The following RNASEH2B variants were observed in gnomAD, a reference collection of about 807,000 sequenced individuals.
The protein encoded by RNASEH2B is Aicardi-Goutieres syndrome 2 protein.
In RNASEH2B, 36 loss-of-function variants were observed where a neutral mutation model predicts 45.0. The ratio of observed to expected loss-of-function variants is 0.80; its 90% confidence interval spans 0.61 to 1.06. The LOEUF (loss-of-function observed/expected upper bound fraction) is 1.06. Ranked by LOEUF, RNASEH2B falls within the 50% of genes least tolerant of loss-of-function variation. RNASEH2B has a pLI of 0.00. For synonymous variants in RNASEH2B, 119 were observed against 125.7 expected (o/e 0.95, Z 0.35); for missense variants, 361 against 360.3 (o/e 1.00, Z -0.02).
chr13:50,938,960 G>A (rs1951796169), intron 5 of RNASEH2B: 1 of 152,252 alleles, frequency 6.6e-6, no homozygotes, highest in African/African-American at 2.4e-5. Context: ...TGTAATCCTA[G>A]CGGTTTGGGA....
chr13:50,960,840 A>G (rs188037228), downstream of RNASEH2B, among the ~76,000 whole-genome samples: 2 of 152,146 alleles, frequency 1.3e-5, no homozygotes, highest in African/African-American at 2.4e-5. Context: ...ATTTTGCATT[A>G]TTATATTCTA....
intron 7 of RNASEH2B, among the ~76,000 whole-genome samples, chr13:50,947,386 AGTGTGTGTGT>A (rs34501133): frequency 0.024 from 3,429 of 145,894 alleles, 64 homozygotes; most frequent in African/African-American, 0.044. Context: ...TTAGTTTGGG[AGTGTGTGTGT>A]GTGTGTGTGT....
chr13:50,913,358 G>A (rs1879541240), intron 1 of RNASEH2B, among the ~76,000 whole-genome samples: 1 of 152,070 alleles, frequency 6.6e-6, no homozygotes, highest in South Asian at 2.1e-4. Flanking sequence ...AAGTTGGGAT[G>A]TACCCAGGTG....
At chr13:50,922,139 A>G (rs1192832123) in intron 1 of RNASEH2B, among the ~76,000 whole-genome samples, 4 of 152,198 alleles carry the variant, frequency 2.6e-5, no homozygotes, top group African/African-American at 7.2e-5. Flanking sequence ...ACAGAGCCCT[A>G]TCTTCAGGGT....
At chr13:50,965,933 G>A (rs762257647) in intron 9 of RNASEH2B, among the ~76,000 whole-genome samples, 8 of 152,084 alleles carry the variant, frequency 5.3e-5, no homozygotes, top group Non-Finnish European at 1.2e-4. Flanking sequence ...TTGAATAGGA[G>A]CTCATATTAT....
intron 5 of RNASEH2B, among the ~76,000 whole-genome samples, chr13:50,939,434 C>T (rs1459272214): frequency 2.0e-5 from 3 of 151,916 alleles, no homozygotes; most frequent in Admixed American, 1.3e-4. Flanking sequence ...GAGGAAAGAT[C>T]ACTTGAGCCC....
intron 1 of RNASEH2B, chr13:50,911,114 C>T (rs1022537099): frequency 2.0e-5 from 3 of 152,168 alleles, no homozygotes; most frequent in Non-Finnish European, 4.4e-5. Flanking sequence ...TATACACCAC[C>T]CTAGTAACCA....
rs199935006 is a variant in RNASEH2B, at chr13:50,934,970, A to C, written c.407A>C (p.Lys136Thr). ...ILLLKLPGLEKLLHHVTEEKG... is the reference protein window; with the variant it reads ...ILLLKLPGLETLLHHVTEEKG... ...TTGCTGAAACTTCCTGGACTTGAGA[A>C]GTTACTTCATCATGTGACAGAGGAA... is the stretch of plus-strand genomic sequence containing the variant. Residue 136 changes from lysine to threonine, a missense_variant, in exon 5 of 11, where the codon AAG (lysine) becomes ACG (threonine). By Grantham distance (78) the Lys-to-Thr change is moderately conservative. Coordinates refer to ENST00000336617, the MANE Select transcript of RNASEH2B (RefSeq NM_024570.4). 15 of 1,613,414 alleles carry C rather than the reference A, an allele frequency of 9.3e-6. No homozygotes were observed. Among genetic ancestry groups the C allele is most frequent in the Non-Finnish European group, 1.3e-5 (15 of 1,179,360 alleles).
chr13:50,960,728 A>G (rs1952103772), downstream of RNASEH2B, among the ~76,000 whole-genome samples: 1 of 152,220 alleles, frequency 6.6e-6, no homozygotes, highest in African/African-American at 2.4e-5. Context: ...CTACACTTTT[A>G]TTAAGGAATT....
chr13:50,958,345 G>A (rs1952076923), downstream of RNASEH2B, among the ~76,000 whole-genome samples: 1 of 152,118 alleles, frequency 6.6e-6, no homozygotes, highest in Non-Finnish European at 1.5e-5. Context: ...TATTGAACAG[G>A]GAGTCCTTTC....
chr13:50,937,886 A>G (rs926271867), intron 5 of RNASEH2B: 2 of 152,242 alleles, frequency 1.3e-5, no homozygotes, highest in Non-Finnish European at 2.9e-5. Context: ...ACTGGATACA[A>G]GAGAAGGATG....
chr13:50,940,343 T>A (rs9316512), intron 5 of RNASEH2B, among the ~76,000 whole-genome samples: 58,826 of 152,048 alleles, frequency 0.39, 13,016 homozygotes, highest in African/African-American at 0.6. Context: ...AACTCCTCGA[T>A]TTGTACATTT....
intron 9 of RNASEH2B, among the ~76,000 whole-genome samples, chr13:50,963,028 GTTGGTTGT>G: frequency 6.6e-6 from 1 of 151,766 alleles, no homozygotes; most frequent in African/African-American, 2.4e-5. Context: ...TTTCTGTTTT[GTTGGTTGT>G]TTGTTTTTTT....
At chr13:50,920,521 T>A (rs957904251) in intron 1 of RNASEH2B, among the ~76,000 whole-genome samples, 2 of 152,254 alleles carry the variant, frequency 1.3e-5, no homozygotes, top group African/African-American at 4.8e-5. Flanking sequence ...TAACATATTA[T>A]TAAACCTAAA....
At chr13:50,962,706 C>T (rs1593485481) in intron 9 of RNASEH2B, among the ~76,000 whole-genome samples, 1 of 152,168 alleles carries the variant, frequency 6.6e-6, no homozygotes, top group Non-Finnish European at 1.5e-5. Context: ...TCTTATATTT[C>T]TTCTCCTTTA....
chr13:50,963,131 T>A (rs929928923), intron 9 of RNASEH2B, among the ~76,000 whole-genome samples: 6 of 152,028 alleles, frequency 3.9e-5, no homozygotes, highest in Non-Finnish European at 8.8e-5. Context: ...CCTTAGTTAT[T>A]TAATTTTTAC....
In RNASEH2B at chr13:50,910,004, G is replaced by A. The variant is rs905756680; in HGVS notation, c.-73G>A. The stretch of plus-strand genomic sequence containing the variant: ...GCCACCCGGAACAGACCCTTCTCCC[G>A]CCATTTTCGGCGGGGCTGGGAGACT... On this transcript the variant is annotated 5_prime_UTR_variant, in exon 1 of 11. Transcript: ENST00000336617. 6.0e-6 allele frequency: 8 copies of A among 1,327,200 alleles called. No individual in the cohort carries two copies. The African/African-American group carries it at 1.1e-4, about 18-fold the overall frequency. The allele number at this position is 1,327,200 out of a possible 1,614,324, so 82.2% of individuals were successfully genotyped here. A position where few individuals can be genotyped will look rare whatever the true frequency, so the allele number is the denominator to read the frequency against.
chr13:50,961,192 A>G (rs1952108086), downstream of RNASEH2B, among the ~76,000 whole-genome samples: 1 of 152,110 alleles, frequency 6.6e-6, no homozygotes, highest in Admixed American at 6.5e-5. Flanking sequence ...GATTATTTTT[A>G]TAATTAATAA....
Position 50,910,090 on chromosome 13 carries a change from T to G in RNASEH2B, c.14T>G (p.Val5Gly). The G allele has an allele frequency of 6.8e-7, 1 of 1,462,776 alleles. No individual in the cohort carries two copies. The highest frequency in any genetic ancestry group is 1.3e-5 in the South Asian group (1 of 74,454). 90.6% of individuals were successfully genotyped at this position (1,462,776 alleles called of 1,614,324 possible). MAAG[V>G]DCGDGVGARQ... ...GAGGCGGGCGGCATGGCCGCTGGCG[T>G]GGACTGCGGGGACGGGGTTGGCGCC... The change falls in exon 1 of 11, where the codon GTG (valine) becomes GGG (glycine). Residue 5 changes from valine (V) to glycine (G), a missense_variant. Transcript: ENST00000336617.
Sources: allele counts gnomAD v4.1 joint callset (sites outside exome capture counted in the v4.1 genomes callset), GRCh38; gene constraint gnomAD v4.1.1; transcripts MANE v1.5; gene names NCBI Gene and HGNC (gene_info 2026-07-23, HGNC 2026-07-21).